TGOLN2: variants seen among roughly 807,000 people sequenced by gnomAD.
The protein encoded by TGOLN2 is trans-Golgi network integral membrane protein 2.
TGOLN2 carries 19 observed loss-of-function variants against 31.3 expected under a neutral mutation model. The ratio of observed to expected loss-of-function variants is 0.61; its 90% confidence interval spans 0.42 to 0.89. The LOEUF is 0.89. Among genes scored for constraint, TGOLN2 ranks in the 40% least tolerant of loss-of-function variants. The pLI is 0.00. For synonymous variants in TGOLN2, 222 were observed against 226.7 expected (o/e 0.98, Z 0.19); for missense variants, 540 against 559.2 (o/e 0.97, Z 0.35).
intron 2 of TGOLN2, among the ~76,000 whole-genome samples, chr2:85,326,057 C>T (rs544003376): frequency 2.0e-5 from 3 of 151,726 alleles, no homozygotes; most frequent in Non-Finnish European, 1.5e-5. Flanking sequence ...GTCCTGGTAT[C>T]GAAGACGCAG....
chr2:85,327,606 G>A lies in TGOLN2; in HGVS notation c.126C>T (p.Thr42=). 2.5e-6 allele frequency: 4 copies of A among 1,614,074 alleles called. No individual in the cohort carries two copies. The highest frequency in any genetic ancestry group is 1.1e-5 in the South Asian group (1 of 91,090). The part of the protein sequence containing the change: ...GVRPSAGNVS[T]HPSLSQRPGG... ...CAGGCCGTTGGCTCAAGCTGGGGTGGGTGGAGACGTTTCCTGCAGAAGGCC... is the reference window on the plus strand; with the variant it reads ...CAGGCCGTTGGCTCAAGCTGGGGTGAGTGGAGACGTTTCCTGCAGAAGGCC... Residue 42 remains threonine (T), a synonymous_variant, in exon 2 of 4, where the codon ACC becomes ACT. Transcript: ENST00000377386.
At position 85,327,488 on chromosome 2, in the gene TGOLN2, T is replaced by G. The variant is rs780233457; in HGVS notation, c.244A>C (p.Asn82His). The change falls in exon 2 of 4, where the codon AAC becomes CAC. Residue 82 changes from asparagine to histidine, a missense_variant. Transcript: ENST00000377386. ...AEAQTPEDTP[N>H]KSGAEAKTQK... ...GTCTTTGCCTCCGCACCCGACTTGT[T>G]GGGGGTGTCTTCTGGGGTCTGCGCC... 9 of 1,613,838 alleles carry G rather than the reference T, an allele frequency of 5.6e-6. No individual in the cohort carries two copies. The highest frequency in any genetic ancestry group is 7.6e-6 in the Non-Finnish European group (9 of 1,179,876).
rs1682586201 is a variant in TGOLN2 at position 85,322,629 on chromosome 2, T to A, written c.*107A>T. 2 of 1,572,116 alleles carry A rather than the reference T, an allele frequency of 1.3e-6. No individual in the cohort carries two copies. Among genetic ancestry groups the A allele is most frequent in the Non-Finnish European group, 1.7e-6 (2 of 1,165,604 alleles). On this transcript the variant is annotated 3_prime_UTR_variant, in exon 4 of 4. Transcript: ENST00000377386. The stretch of plus-strand genomic sequence containing the variant: ...TCATTTCTTTTGATTTAGAAACAAA[T>A]CAGCAGGGAGGACAAGGTTCTCAAG...
chr2:85,327,240 GCTGT>G lies in TGOLN2; in HGVS notation c.488_491del (p.Asp163AlafsTer69). 6.2e-7 allele frequency: 1 copy of G among 1,613,720 alleles called. No homozygotes were observed. Among genetic ancestry groups the G allele is most frequent in the South Asian group, 1.1e-5 (1 of 91,064 alleles). ...GCGCCTCCGAACCTGACTTGCTAGG[GCTGT>G]CTTTTTGGGTCTTTGCCTCCGCACC... On this transcript the variant is annotated frameshift_variant, in exon 2 of 4. Transcript: ENST00000377386. LOFTEE classifies it high-confidence loss of function.
In TGOLN2 at chr2:85,318,805, A is replaced by G. The variant is rs377565463; in HGVS notation, c.*3931T>C. ...TTCCCCGTTGCCTCAGCCTTTCTAC[A>G]CAGACTGGCCTTCAACTTCCCCTGA... On this transcript the variant is annotated 3_prime_UTR_variant, in exon 4 of 4. Coordinates refer to ENST00000377386, the MANE Select transcript of TGOLN2 (RefSeq NM_006464.4). 1.3e-5 allele frequency: 2 copies of G among 149,556 alleles called. No homozygotes were observed. The highest frequency in any genetic ancestry group is 4.0e-4 in the East Asian group (2 of 4,990). 9.3% of individuals were successfully genotyped at this position (149,556 alleles called of 1,614,324 possible).
At chr2:85,323,991 G>A (rs368175651) in intron 3 of TGOLN2, among the ~76,000 whole-genome samples, 6 of 152,328 alleles carry the variant, frequency 3.9e-5, no homozygotes, top group African/African-American at 1.2e-4. Flanking sequence ...TCCAGCCTAC[G>A]GTGCTTAAGC....
rs1682450059 is a variant in TGOLN2 at position 85,318,707 on chromosome 2, T to G, written c.*4029A>C. On this transcript the variant is annotated 3_prime_UTR_variant, in exon 4 of 4. Transcript: ENST00000377386. The stretch of plus-strand genomic sequence containing the variant: ...GGGAAATTCCAGAGGTTTAGAATTC[T>G]ATCAGCACATGTGTCACTGGAAGCC... The G allele has an allele frequency of 6.6e-6, 1 of 152,296 alleles. No individual in the cohort carries two copies. Among genetic ancestry groups the G allele is most frequent in the Admixed American group, 6.5e-5 (1 of 15,282 alleles). The allele number at this position is 152,296 out of a possible 1,614,324, so 9.4% of individuals were successfully genotyped here. A position where few individuals can be genotyped will look rare whatever the true frequency, so the allele number is the denominator to read the frequency against.
In TGOLN2 at chr2:85,327,119, C is replaced by G. The variant is rs1311666188; in HGVS notation, c.613G>C (p.Asp205His). The G allele has an allele frequency of 3.7e-6, 6 of 1,613,846 alleles. No individual in the cohort carries two copies. Among genetic ancestry groups the G allele is most frequent in the Middle Eastern group, 1.7e-4 (1 of 6,060 alleles). ...KSGAEDQTPK[D>H]VPNKSGAEKQ... Reference sequence around the variant, plus strand: ...TCCGCACCCGACTTGTTAGGGACGTCTTTTGGGGTCTGATCCTCCGCACCC... The same window carrying G: ...TCCGCACCCGACTTGTTAGGGACGTGTTTTGGGGTCTGATCCTCCGCACCC... The change falls in exon 2 of 4, where the codon GAC (aspartate) becomes CAC (histidine). Residue 205 changes from aspartate (D) to histidine (H), a missense_variant. Physicochemically the swap from Asp to His is moderately conservative, Grantham distance 81. Coordinates refer to ENST00000377386, the MANE Select transcript of TGOLN2 (RefSeq NM_006464.4).
In TGOLN2 at chr2:85,326,640, A is replaced by G; in HGVS notation, c.1092T>C (p.Gly364=). 1 of 1,613,980 alleles carries G rather than the reference A, an allele frequency of 6.2e-7. No individual in the cohort carries two copies. The highest frequency in any genetic ancestry group is 1.3e-5 in the African/African-American group (1 of 75,026). Residue 364 remains glycine (G), a synonymous_variant, in exon 2 of 4, where the codon GGT becomes GGC. Coordinates refer to ENST00000377386, the MANE Select transcript of TGOLN2 (RefSeq NM_006464.4). ...NREGTLSDST[G]SEKDDLYPNG... is the part of the protein sequence containing the mutation. ...TCGGATAAAGGTCATCCTTCTCGCT[A>G]CCCGTGGAATCCGAAAGTGTCCCTT...
At chr2:85,326,209 T>C (rs1478844136) in intron 2 of TGOLN2, among the ~76,000 whole-genome samples, 1 of 152,250 alleles carries the variant, frequency 6.6e-6, no homozygotes, top group East Asian at 1.9e-4. Flanking sequence ...CCTCTGAGGC[T>C]GTGAAGGACC....
At position 85,327,574 on chromosome 2, in the gene TGOLN2, G is replaced by A; in HGVS notation, c.158C>T (p.Ser53Phe). 6.2e-7 allele frequency: 1 copy of A among 1,614,076 alleles called. No individual in the cohort carries two copies. The highest frequency in any genetic ancestry group is 1.6e-4 in the Middle Eastern group (1 of 6,062). ...HPSLSQRPGG[S>F]TKSHPEPQTP... is the part of the protein sequence containing the mutation. ...CTGCGGCTCCGGATGCGACTTGGTA[G>A]AGCCTCCAGGCCGTTGGCTCAAGCT... The change falls in exon 2 of 4, where the codon TCT becomes TTT. Residue 53 changes from serine to phenylalanine, a missense_variant. Transcript: ENST00000377386.
chr2:85,325,055 T>A, intron 2 of TGOLN2, 57 bp from the exon 3 acceptor site: 2 of 1,501,822 alleles, frequency 1.3e-6, no homozygotes, highest in Non-Finnish European at 1.8e-6. Context: ...CATAGTTCAG[T>A]CTCTGAACTC....
At chr2:85,327,713 G>A (rs1434610373) in intron 1 of TGOLN2, 28 bp from the exon 2 acceptor site, 3 of 1,587,600 alleles carry the variant, frequency 1.9e-6, no homozygotes, top group South Asian at 1.1e-5. Context: ...GTTAGCACCG[G>A]AGAAGGGCAG....
Position 85,322,434 on chromosome 2 carries a change from C to G in TGOLN2, c.*302G>C, listed in dbSNP as rs917900907. The G allele has an allele frequency of 8.0e-6, 4 of 502,588 alleles. No individual in the cohort carries two copies. Among genetic ancestry groups the G allele is most frequent in the East Asian group, 4.1e-5 (1 of 24,490 alleles). 31.1% of individuals were successfully genotyped at this position (502,588 alleles called of 1,614,324 possible). A position where few individuals can be genotyped will look rare whatever the true frequency, so the allele number is the denominator to read the frequency against. On this transcript the variant is annotated 3_prime_UTR_variant, in exon 4 of 4. Coordinates refer to ENST00000377386, the MANE Select transcript of TGOLN2 (RefSeq NM_006464.4). ...GTGTTTCCATATACCCCTCCACTCA[C>G]CCTCAGAGGAGGAACGGATGGAAGC...
chr2:85,327,280 G>C lies in TGOLN2; in HGVS notation c.452C>G (p.Pro151Arg). 1 of 1,611,350 alleles carries C rather than the reference G, an allele frequency of 6.2e-7. No homozygotes were observed. Among genetic ancestry groups the C allele is most frequent in the Non-Finnish European group, 8.5e-7 (1 of 1,178,104 alleles). The change falls in exon 2 of 4, where the codon CCC (proline) becomes CGC (arginine). Residue 151 changes from proline to arginine, a missense_variant. Physicochemically the swap from Pro to Arg is moderately radical, Grantham distance 103. Transcript: ENST00000377386. ...GAEAQTPEDS[P>R]NRSGAEAKTQ... ...CTTTGCCTCCGCACCCGACCTGTTG[G>C]GGCTGTCTTCTGGGGTCTGCGCCTC...
At chr2:85,323,314 C>G (rs1682612372) in intron 3 of TGOLN2, among the ~76,000 whole-genome samples, 1 of 152,104 alleles carries the variant, frequency 6.6e-6, no homozygotes, top group African/African-American at 2.4e-5. Context: ...GCCTGTAATC[C>G]CAGCACTCTG....
At chr2:85,325,904 T>C (rs1682713478) in intron 2 of TGOLN2, among the ~76,000 whole-genome samples, 1 of 152,214 alleles carries the variant, frequency 6.6e-6, no homozygotes, top group Admixed American at 6.5e-5. Flanking sequence ...GGGGGCTCAA[T>C]ATGAAATGCA....
At chr2:85,327,731 G>A in intron 1 of TGOLN2, 46 bp from the exon 2 acceptor site, 2 of 1,406,468 alleles carry the variant, frequency 1.4e-6, no homozygotes, top group Non-Finnish European at 1.9e-6. Flanking sequence ...CAGGCGGGAA[G>A]AAGGAACTCC....
intron 2 of TGOLN2, among the ~76,000 whole-genome samples, chr2:85,325,263 T>C (rs1320345183): frequency 6.6e-6 from 1 of 152,212 alleles, no homozygotes; most frequent in Non-Finnish European, 1.5e-5. Flanking sequence ...GTCTGTTTGA[T>C]TTATTCAAAG....
Sources: gnomAD v4.1 joint callset for allele counts (sites outside exome capture counted in the v4.1 genomes callset) on GRCh38, gnomAD v4.1.1 for gene constraint, MANE v1.5 for transcripts, NCBI Gene and HGNC (gene_info 2026-07-23, HGNC 2026-07-21) for gene names.